Variants in PLEKHH2 observed in about 807,000 individuals in gnomAD.
PLEKHH2 encodes the protein pleckstrin homology domain-containing family H member 2.
PLEKHH2 carries 129 observed loss-of-function variants against 187.9 expected under a neutral mutation model. That is an observed-to-expected ratio of 0.69 (90% confidence interval 0.59 to 0.79). The LOEUF (loss-of-function observed/expected upper bound fraction) is 0.79, where lower values mean the gene tolerates loss of function less well. Among genes scored for constraint, PLEKHH2 ranks in the 30% least tolerant of loss-of-function variants. PLEKHH2 has a pLI of 0.00. For synonymous variants in PLEKHH2, 686 were observed against 605.6 expected, an observed-to-expected ratio of 1.13 and a Z score of -1.95; for missense variants, 2,076 against 1,751.2, an observed-to-expected ratio of 1.19 and a Z score of -3.31.
chr2:43,674,268 T>G (rs1667621098), intron 2 of PLEKHH2, among the ~76,000 whole-genome samples: 1 of 152,206 alleles, frequency 6.6e-6, no homozygotes. Flanking sequence ...TGTGCATTCT[T>G]CTGTTTCTCC....
intron 24 of PLEKHH2, among the ~76,000 whole-genome samples, chr2:43,750,601 T>C (rs1325648071): frequency 6.6e-6 from 1 of 152,188 alleles, no homozygotes; most frequent in Non-Finnish European, 1.5e-5. Context: ...CATCAGGCCT[T>C]ATTCTTAACT....
chr2:43,704,135 T>A, intron 9 of PLEKHH2, 79 bp downstream of exon 9: 1 of 1,005,252 alleles, frequency 9.9e-7, no homozygotes, highest in Non-Finnish European at 1.5e-6. Flanking sequence ...AAATACATGG[T>A]ACAGTCACAA....
intron 2 of PLEKHH2, among the ~76,000 whole-genome samples, chr2:43,668,718 G>A (rs1418624673): frequency 6.6e-6 from 1 of 152,180 alleles, no homozygotes; most frequent in East Asian, 1.9e-4. Context: ...CCTGTCTGTA[G>A]TCTCAGCTAC....
At chr2:43,678,164 G>C (rs1443852503) in intron 2 of PLEKHH2, among the ~76,000 whole-genome samples, 3 of 151,858 alleles carry the variant, frequency 2.0e-5, no homozygotes, top group African/African-American at 4.8e-5. Flanking sequence ...TGGCCGGGCA[G>C]AGAGGCTCCT....
At chr2:43,697,601 G>C (rs1029914952) in intron 7 of PLEKHH2, among the ~76,000 whole-genome samples, 3 of 152,158 alleles carry the variant, frequency 2.0e-5, no homozygotes, top group African/African-American at 7.2e-5. Flanking sequence ...GCTGTAGGTG[G>C]AAGGTGGGTA....
chr2:43,686,169 T>C (rs191748598), intron 3 of PLEKHH2, among the ~76,000 whole-genome samples: 81 of 152,070 alleles, frequency 5.3e-4, no homozygotes, highest in African/African-American at 2.0e-3. Context: ...CTCTTCCTTC[T>C]TCCTCTTCCT....
In PLEKHH2 at chr2:43,644,696, AG is replaced by A; in HGVS notation, c.26del (p.Gly9AspfsTer3). On this transcript the variant is annotated frameshift_variant, in exon 2 of 30. Transcript: ENST00000282406. LOFTEE classifies it high-confidence loss of function. ...AATATGGCAGAGCTTTCTGAGCCAG[AG>A]GGACCAGTAGATTGGAAGGAACGAT... is the stretch of plus-strand genomic sequence containing the variant. MAELSEP[E>X]GPVDWKERCV... 6.2e-7 allele frequency: 1 copy of A among 1,602,480 alleles called. No homozygotes were observed. The highest frequency in any genetic ancestry group is 8.5e-7 in the Non-Finnish European group (1 of 1,173,222).
intron 2 of PLEKHH2, among the ~76,000 whole-genome samples, chr2:43,670,865 A>T (rs1203099546): frequency 6.6e-6 from 1 of 152,176 alleles, no homozygotes; most frequent in Non-Finnish European, 1.5e-5. Context: ...GATTTTCAGC[A>T]TATAAATATT....
chr2:43,673,859 T>G (rs1158003), intron 2 of PLEKHH2, among the ~76,000 whole-genome samples: 1 of 151,932 alleles, frequency 6.6e-6, no homozygotes, highest in South Asian at 2.1e-4. Flanking sequence ...TATATTCATA[T>G]TTCAAGGATT....
At chr2:43,679,950 C>T (rs904213434) in intron 3 of PLEKHH2, among the ~76,000 whole-genome samples, 1 of 152,150 alleles carries the variant, frequency 6.6e-6, no homozygotes, top group Non-Finnish European at 1.5e-5. Context: ...CAGGTGTGAG[C>T]TCACTGTGCT....
intron 14 of PLEKHH2, chr2:43,711,864 A>G: frequency 1.1e-6 from 1 of 881,234 alleles, no homozygotes; most frequent in Non-Finnish European, 1.4e-6. Context: ...ACTGCACTCC[A>G]GCCTGGGCGA....
chr2:43,684,114 T>G (rs1234187152), intron 3 of PLEKHH2, among the ~76,000 whole-genome samples: 2 of 152,186 alleles, frequency 1.3e-5, no homozygotes, highest in Non-Finnish European at 2.9e-5. Context: ...TTTTGACAAA[T>G]GTATAATGCT....
chr2:43,726,298 G>C lies in PLEKHH2; in HGVS notation c.2568G>C (p.Trp856Cys), dbSNP rs373631558. ...DKFPLGQIKL[W>C]EAKVEEVDRS... ...TTCCTTTAGGTCAGATCAAACTCTG[G>C]GAGGCTAAAGTGGAAGAGGTTGACA... Residue 856 changes from tryptophan to cysteine, a missense_variant, in exon 17 of 30, where the codon TGG (tryptophan) becomes TGC (cysteine). By Grantham distance (215) the Trp-to-Cys change is radical. Transcript: ENST00000282406. 1.9e-5 allele frequency: 31 copies of C among 1,611,672 alleles called. No individual in the cohort carries two copies. The African/African-American group carries it at 3.9e-4, about 20-fold the overall frequency.
rs1378338328 is a variant in PLEKHH2, at chr2:43,753,694, A to C, written c.3729A>C (p.Gln1243His). 1 of 1,588,200 alleles carries C rather than the reference A, an allele frequency of 6.3e-7. No homozygotes were observed. Among genetic ancestry groups the C allele is most frequent in the Non-Finnish European group, 8.5e-7 (1 of 1,170,474 alleles). ...KLLLMYQTND[Q>H]IINGLFPLNK... ...TGTTAATGTATCAGACAAATGATCA[A>C]ATCATAAATGGACTTTTTCCTCTGA... Residue 1243 changes from glutamine to histidine, a missense_variant, in exon 25 of 30, where the codon CAA (glutamine) becomes CAC (histidine). Transcript: ENST00000282406.
intron 16 of PLEKHH2, among the ~76,000 whole-genome samples, chr2:43,725,848 CGCTTGTGATCCCA>C (rs1670712946): frequency 6.6e-6 from 1 of 152,210 alleles, no homozygotes; most frequent in Non-Finnish European, 1.5e-5. Flanking sequence ...CGGTGGCTCA[CGCTTGTGATCCCA>C]GCACTTTGGG....
At chr2:43,748,949 T>G (rs2060170) in intron 24 of PLEKHH2, among the ~76,000 whole-genome samples, 54,234 of 151,446 alleles carry the variant, frequency 0.36, 10,619 homozygotes, top group African/African-American at 0.51. Context: ...TAGAGACTGG[T>G]TTTCACCATG....
chr2:43,756,968 A>G, intron 25 of PLEKHH2, 151 bp from the exon 26 acceptor site: 1 of 514,766 alleles, frequency 1.9e-6, no homozygotes, highest in South Asian at 6.9e-5. Context: ...AAATTCCTAC[A>G]TATGATTATG....
Position 43,700,172 on chromosome 2 carries a change from A to G in PLEKHH2, c.1214A>G (p.Asn405Ser). Residue 405 changes from asparagine to serine, a missense_variant, in exon 8 of 30, where the codon AAC becomes AGC. Transcript: ENST00000282406. ...TATTCATCTTCATCGAGTGAAGCCA[A>G]CACCCCAAGCCCTATTTTGACCCCA... is the stretch of plus-strand genomic sequence containing the variant. ...LDYSSSSSEA[N>S]TPSPILTPAL... The G allele has an allele frequency of 6.2e-7, 1 of 1,614,144 alleles. No individual in the cohort carries two copies.
intron 2 of PLEKHH2, among the ~76,000 whole-genome samples, chr2:43,654,899 C>T (rs1002727975): frequency 5.3e-5 from 8 of 152,212 alleles, no homozygotes; most frequent in African/African-American, 1.2e-4. Flanking sequence ...CAGTGGCACA[C>T]GCCAGTAGTC....
Sources: allele counts gnomAD v4.1 joint callset (sites outside exome capture counted in the v4.1 genomes callset), GRCh38; gene constraint gnomAD v4.1.1; transcripts MANE v1.5; gene names NCBI Gene and HGNC (gene_info 2026-07-23, HGNC 2026-07-21).